C12orf42: variants seen among roughly 807,000 people sequenced by gnomAD.
C12orf42 encodes chromosome 12 open reading frame 42, also known as uncharacterized protein C12orf42.
Under a neutral mutation model 21.6 loss-of-function variants are expected in C12orf42, and 25 were observed. The ratio of observed to expected loss-of-function variants is 1.16; its 90% CI spans 0.84 to 1.62. The LOEUF (loss-of-function observed/expected upper bound fraction) is 1.62. C12orf42 is among the 40% of genes most tolerant of loss of function. C12orf42 has a pLI of 0.00. For synonymous variants in C12orf42, 174 were observed against 175.0 expected, an observed-to-expected ratio of 0.99 and a Z score of 0.05; for missense variants, 483 against 459.3, an observed-to-expected ratio of 1.05 and a Z score of -0.47.
chr12:103,358,075 A>T, intron 4 of C12orf42, among the ~76,000 whole-genome samples: 1 of 151,696 alleles, frequency 6.6e-6, no homozygotes, highest in East Asian at 1.9e-4. Context: ...TGGGGTGACG[A>T]CTCCATGTTT....
intron 2 of C12orf42, among the ~76,000 whole-genome samples, chr12:103,426,638 G>A (rs1038067085): frequency 2.0e-5 from 3 of 152,118 alleles, no homozygotes; most frequent in Non-Finnish European, 4.4e-5. Context: ...CTCAAGAAGA[G>A]CAACCCCAAG....
At chr12:103,296,897 C>A (rs1263190908) in intron 4 of C12orf42, among the ~76,000 whole-genome samples, 1 of 152,124 alleles carries the variant, frequency 6.6e-6, no homozygotes, top group African/African-American at 2.4e-5. Flanking sequence ...GCTTTTGTTG[C>A]CATTGCTTTT....
At chr12:103,494,885 G>T (rs1026502162) in intron 1 of C12orf42, among the ~76,000 whole-genome samples, 2 of 152,174 alleles carry the variant, frequency 1.3e-5, no homozygotes, top group Admixed American at 6.5e-5. Flanking sequence ...TTTCCCGGGA[G>T]GGGGCAGCAC....
the C12orf42 span, among the ~76,000 whole-genome samples, chr12:103,100,839 T>C: frequency 6.6e-6 from 1 of 152,106 alleles, no homozygotes; most frequent in Non-Finnish European, 1.5e-5. Flanking sequence ...ATCTGTATAA[T>C]AGTGTGTTGG....
At chr12:103,205,460 T>C in the C12orf42 span, among the ~76,000 whole-genome samples, 1 of 152,166 alleles carries the variant, frequency 6.6e-6, no homozygotes, top group African/African-American at 2.4e-5. Flanking sequence ...CTATTCACTA[T>C]CATGAAAACA....
intron 1 of C12orf42, among the ~76,000 whole-genome samples, chr12:103,480,310 T>C (rs976423036): frequency 6.6e-6 from 1 of 151,878 alleles, no homozygotes; most frequent in Non-Finnish European, 1.5e-5. Context: ...CTTAATGTTA[T>C]TTATAATGCA....
chr12:103,478,705 T>C (rs1311777309), intron 1 of C12orf42, among the ~76,000 whole-genome samples: 2 of 151,944 alleles, frequency 1.3e-5, no homozygotes, highest in African/African-American at 2.4e-5. Flanking sequence ...TATACTTTTC[T>C]GCATAAAGTT....
the C12orf42 span, among the ~76,000 whole-genome samples, chr12:103,200,556 GAGGTGATGGCTTCGC>G: frequency 6.6e-6 from 1 of 152,206 alleles, no homozygotes; most frequent in Non-Finnish European, 1.5e-5. Context: ...GGCATAGATT[GAGGTGATGGCTTCGC>G]AGGTGTGTAC....
chr12:103,451,547 C>G (rs893039603), intron 2 of C12orf42, among the ~76,000 whole-genome samples: 1 of 152,012 alleles, frequency 6.6e-6, no homozygotes, highest in Non-Finnish European at 1.5e-5. Flanking sequence ...ATTCTGGTCT[C>G]TTTATGTGCC....
chr12:103,048,780 T>C, the C12orf42 span, among the ~76,000 whole-genome samples: 1 of 152,182 alleles, frequency 6.6e-6, no homozygotes, highest in Non-Finnish European at 1.5e-5. Flanking sequence ...CCACTTCTTT[T>C]AGTCTTAAGA....
At chr12:103,068,174 A>G in the C12orf42 span, among the ~76,000 whole-genome samples, 2 of 152,218 alleles carry the variant, frequency 1.3e-5, no homozygotes, top group East Asian at 3.8e-4. Context: ...GGGGACTGCA[A>G]TTGTCATGAG....
chr12:103,391,797 T>C (rs1327828146), intron 3 of C12orf42, among the ~76,000 whole-genome samples: 1 of 152,044 alleles, frequency 6.6e-6, no homozygotes, highest in African/African-American at 2.4e-5. Context: ...ACTCTCCTGA[T>C]AGTGGCTTTG....
chr12:103,556,384 C>A, the C12orf42 span, among the ~76,000 whole-genome samples: 9 of 152,242 alleles, frequency 5.9e-5, no homozygotes, highest in African/African-American at 2.2e-4. Flanking sequence ...GACTGAAAAT[C>A]GGGGCTTAGT....
chr12:103,365,227 A>G (rs1028227730), intron 4 of C12orf42, among the ~76,000 whole-genome samples: 15 of 152,124 alleles, frequency 9.9e-5, no homozygotes, highest in Non-Finnish European at 1.6e-4. Context: ...CAAAAATCAC[A>G]TGATAAACTC....
chr12:103,185,808 C>T, the C12orf42 span, among the ~76,000 whole-genome samples: 1 of 152,298 alleles, frequency 6.6e-6, no homozygotes, highest in South Asian at 2.1e-4. Context: ...GTGCCTTTCA[C>T]CTCCCGCCGT....
intron 2 of C12orf42, among the ~76,000 whole-genome samples, chr12:103,405,321 A>G (rs10860994): frequency 0.2 from 30,892 of 152,182 alleles, 3,896 homozygotes; most frequent in East Asian, 0.35. Context: ...TTTCAGATAA[A>G]GAATGAATTT....
chr12:103,111,308 A>AT, the C12orf42 span, among the ~76,000 whole-genome samples: 2 of 152,158 alleles, frequency 1.3e-5, no homozygotes. Context: ...GGTAATTTTC[A>AT]TGTTTTGAAG....
downstream of C12orf42, chr12:103,301,842 C>A (rs2037669309): frequency 5.3e-6 from 2 of 377,644 alleles, no homozygotes; most frequent in Non-Finnish European, 9.4e-6. Flanking sequence ...AAGTGGCACG[C>A]GATGTACCCC....
At chr12:103,277,843 T>C (rs1197853998) in intron 4 of C12orf42, among the ~76,000 whole-genome samples, 1 of 151,978 alleles carries the variant, frequency 6.6e-6, no homozygotes, top group Non-Finnish European at 1.5e-5. Context: ...ACGATCTCAA[T>C]CTCCTGGCCT....
Sources: gnomAD v4.1 joint callset for allele counts (sites outside exome capture counted in the v4.1 genomes callset) on GRCh38, gnomAD v4.1.1 for gene constraint, MANE v1.5 for transcripts, NCBI Gene and HGNC (gene_info 2026-07-23, HGNC 2026-07-21) for gene names.